The following MALRD1 variants were observed in gnomAD, a reference collection of about 807,000 sequenced individuals.
MALRD1 encodes the protein MAM and LDL receptor class A domain containing 1.
Under a neutral mutation model 242.1 loss-of-function variants are expected in MALRD1, and 247 were observed. The observed-to-expected ratio is 1.02, with a 90% confidence interval of 0.92 to 1.13. MALRD1 has a LOEUF of 1.13. Among genes scored for constraint, MALRD1 ranks in the 50% most tolerant of loss-of-function variants. The pLI, the probability that MALRD1 is intolerant of heterozygous loss-of-function variation, is 0.00. For missense variants in MALRD1, 2,989 were observed against 2,533.1 expected (o/e 1.18, Z -3.86); for synonymous variants, 995 against 866.6 (o/e 1.15, Z -2.60).
At chr10:19,414,792 A>G (rs1264942238) in intron 28 of MALRD1, among the ~76,000 whole-genome samples, 1 of 151,022 alleles carries the variant, frequency 6.6e-6, no homozygotes, top group Non-Finnish European at 1.5e-5. Context: ...TTTCCTGGAC[A>G]CCAGGCTAGC....
At chr10:19,283,942 C>G (rs1840958469) in intron 21 of MALRD1, among the ~76,000 whole-genome samples, 1 of 152,118 alleles carries the variant, frequency 6.6e-6, no homozygotes, top group African/African-American at 2.4e-5. Flanking sequence ...AGACAGGCAG[C>G]AAGTCAATAA....
At chr10:19,563,435 A>G (rs914824259) in intron 32 of MALRD1, among the ~76,000 whole-genome samples, 4 of 152,142 alleles carry the variant, frequency 2.6e-5, no homozygotes, top group Admixed American at 6.5e-5. Context: ...AACTCACTTC[A>G]TTGCTTTGCC....
intron 28 of MALRD1, among the ~76,000 whole-genome samples, chr10:19,438,265 A>G (rs900587000): frequency 3.9e-5 from 6 of 152,256 alleles, no homozygotes; most frequent in Non-Finnish European, 8.8e-5. Context: ...AAATATAAAT[A>G]TGTCCTCAAA....
intron 21 of MALRD1, among the ~76,000 whole-genome samples, chr10:19,284,008 A>C (rs1840962678): frequency 6.6e-6 from 1 of 152,194 alleles, no homozygotes; most frequent in Non-Finnish European, 1.5e-5. Context: ...AAACAAGGAA[A>C]GGGTTTGTTA....
Position 19,324,094 on chromosome 10 carries a change from G to C in MALRD1, c.3565G>C (p.Gly1189Arg), listed in dbSNP as rs925638702. 5.2e-6 allele frequency: 8 copies of C among 1,549,848 alleles called. No individual in the cohort carries two copies. In the African/African-American group the frequency reaches 1.1e-4, roughly 21 times the overall value. Residue 1189 changes from glycine to arginine, a missense_variant, in exon 22 of 40, where the codon GGT becomes CGT. Coordinates refer to ENST00000454679, the MANE Select transcript of MALRD1 (RefSeq NM_001142308.3). ...GACACATATGAATGGGGCCACCGTT[G>C]GTTCTCTCCAGGTACTGCTTAGGCA... ...FWTHMNGATV[G>R]SLQVLIKKDN...
intron 4 of MALRD1, among the ~76,000 whole-genome samples, chr10:19,101,458 TATATA>T (rs1474969220): frequency 2.1e-5 from 3 of 140,362 alleles, no homozygotes; most frequent in Admixed American, 1.5e-4. Context: ...TTATATAATT[TATATA>T]ATATAATTAA....
chr10:19,252,720 T>G (rs921157575), intron 18 of MALRD1, among the ~76,000 whole-genome samples: 4 of 152,014 alleles, frequency 2.6e-5, no homozygotes, highest in Non-Finnish European at 5.9e-5. Context: ...TTATGACCCT[T>G]GTTTCATGAT....
At chr10:19,703,580 A>G (rs1334538955) in intron 38 of MALRD1, among the ~76,000 whole-genome samples, 1 of 152,228 alleles carries the variant, frequency 6.6e-6, no homozygotes, top group Non-Finnish European at 1.5e-5. Flanking sequence ...CATCAAATCT[A>G]TATCTGTAAA....
At chr10:19,349,205 C>A (rs1844260940) in intron 25 of MALRD1, among the ~76,000 whole-genome samples, 1 of 152,150 alleles carries the variant, frequency 6.6e-6, no homozygotes, top group African/African-American at 2.4e-5. Flanking sequence ...AGGTGATCTG[C>A]CCACCTTGAC....
chr10:19,246,360 G>A (rs1005165092), intron 18 of MALRD1, among the ~76,000 whole-genome samples: 2 of 152,072 alleles, frequency 1.3e-5, no homozygotes, highest in African/African-American at 4.8e-5. Flanking sequence ...TACTGTCCAG[G>A]TCACTGAAGA....
intron 26 of MALRD1, among the ~76,000 whole-genome samples, chr10:19,378,541 C>T (rs1362085447): frequency 6.6e-6 from 1 of 152,086 alleles, no homozygotes; most frequent in Non-Finnish European, 1.5e-5. Context: ...CTGATGTGTG[C>T]CAGATATTTC....
intron 36 of MALRD1, among the ~76,000 whole-genome samples, chr10:19,642,478 A>G (rs1840434696): frequency 6.6e-6 from 1 of 152,192 alleles, no homozygotes. Context: ...TCCCATTCTC[A>G]GTAAAAGTGG....
chr10:19,464,690 G>A (rs1043892405), intron 29 of MALRD1, among the ~76,000 whole-genome samples: 1 of 152,108 alleles, frequency 6.6e-6, no homozygotes, highest in African/African-American at 2.4e-5. Flanking sequence ...CTTTGGCTAT[G>A]TGGGCTCTTT....
At chr10:19,238,760 T>G (rs185550469) in intron 18 of MALRD1, among the ~76,000 whole-genome samples, 100 of 149,300 alleles carry the variant, frequency 6.7e-4, no homozygotes, top group African/African-American at 2.4e-3. Context: ...CGAATGATTG[T>G]TTTTTTTGTT....
intron 36 of MALRD1, among the ~76,000 whole-genome samples, chr10:19,620,864 C>T (rs1170957971): frequency 6.6e-6 from 1 of 151,756 alleles, no homozygotes; most frequent in Non-Finnish European, 1.5e-5. Flanking sequence ...CTCACCATAA[C>T]CCAAACTACC....
At chr10:19,152,798 T>A (rs1385271959) in intron 11 of MALRD1, among the ~76,000 whole-genome samples, 4 of 152,130 alleles carry the variant, frequency 2.6e-5, no homozygotes, top group African/African-American at 9.6e-5. Flanking sequence ...TTTTCTATAA[T>A]GTCTACTAGA....
intron 28 of MALRD1, among the ~76,000 whole-genome samples, chr10:19,449,523 C>T (rs1206948403): frequency 6.7e-6 from 1 of 150,112 alleles, no homozygotes; most frequent in Non-Finnish European, 1.5e-5. Context: ...ATTAATATGC[C>T]TCTGTTTTGG....
intron 24 of MALRD1, among the ~76,000 whole-genome samples, chr10:19,331,833 T>G (rs1489499541): frequency 6.6e-6 from 1 of 152,136 alleles, no homozygotes; most frequent in African/African-American, 2.4e-5. Flanking sequence ...ACAGGTGTCT[T>G]CAAAGAAAAA....
At chr10:19,394,853 G>T (rs1441957210) in intron 28 of MALRD1, among the ~76,000 whole-genome samples, 1 of 152,014 alleles carries the variant, frequency 6.6e-6, no homozygotes, top group African/African-American at 2.4e-5. Context: ...GTAGTAATCA[G>T]ACAGGTTTTC....
Sources: gnomAD v4.1 joint callset for allele counts (sites outside exome capture counted in the v4.1 genomes callset) on GRCh38, gnomAD v4.1.1 for gene constraint, MANE v1.5 for transcripts, NCBI Gene and HGNC (gene_info 2026-07-23, HGNC 2026-07-21) for gene names.